Variants in GRXCR1 observed in about 807,000 individuals in gnomAD.
GRXCR1 encodes the protein glutaredoxin domain-containing cysteine-rich protein 1.
A neutral mutation model predicts 27.3 loss-of-function variants in GRXCR1; 27 were observed. The ratio of observed to expected loss-of-function variants is 0.99; its 90% CI spans 0.73 to 1.37. The LOEUF is 1.37. Ranked by LOEUF, GRXCR1 falls within the 40% of genes most tolerant of loss-of-function variation. The probability of loss-of-function intolerance (pLI) is 0.00; values close to 1 mark genes in which losing one functional copy is unlikely to be tolerated. For synonymous variants in GRXCR1, 122 were observed against 131.1 expected, an observed-to-expected ratio of 0.93 and a Z score of 0.47; for missense variants, 379 against 354.4, an observed-to-expected ratio of 1.07 and a Z score of -0.56.
chr4:42,996,392 T>G (rs1577937385), intron 2 of GRXCR1, among the ~76,000 whole-genome samples: 1 of 152,248 alleles, frequency 6.6e-6, no homozygotes, highest in East Asian at 1.9e-4. Context: ...AGACATAAAT[T>G]TACTCCAGCC....
intron 2 of GRXCR1, among the ~76,000 whole-genome samples, chr4:43,019,665 C>G (rs985959831): frequency 2.6e-5 from 4 of 152,176 alleles, no homozygotes; most frequent in Non-Finnish European, 5.9e-5. Flanking sequence ...ACATTGTCCC[C>G]TTTCTCACTT....
chr4:42,918,426 C>T (rs1020134002), intron 1 of GRXCR1, among the ~76,000 whole-genome samples: 14 of 152,022 alleles, frequency 9.2e-5, no homozygotes, highest in African/African-American at 3.4e-4. Context: ...TGGTATGCCC[C>T]CATTTTCTCC....
At chr4:42,978,014 A>C (rs1045679269) in intron 2 of GRXCR1, among the ~76,000 whole-genome samples, 2 of 152,046 alleles carry the variant, frequency 1.3e-5, no homozygotes, top group Non-Finnish European at 2.9e-5. Flanking sequence ...TTTATTCAAC[A>C]TTTGGATATC....
chr4:43,000,837 A>T (rs747760009), intron 2 of GRXCR1, among the ~76,000 whole-genome samples: 1 of 152,142 alleles, frequency 6.6e-6, no homozygotes, highest in African/African-American at 2.4e-5. Flanking sequence ...AAAAGTGGTG[A>T]TGACTATATT....
intron 2 of GRXCR1, among the ~76,000 whole-genome samples, chr4:42,994,289 T>A (rs1712075763): frequency 6.6e-6 from 1 of 152,126 alleles, no homozygotes; most frequent in African/African-American, 2.4e-5. Flanking sequence ...AAGTCTCTCA[T>A]TGAAGATAAT....
In GRXCR1 at chr4:42,951,014, C is replaced by G. The variant is rs12512487; in HGVS notation, c.385-11878C>G. The stretch of plus-strand genomic sequence containing the variant: ...ATGGGATTATGGAGGCTAAGAAGCC[C>G]TACAACCTGTAGTCTTCAAGCTCAA... On this transcript the variant is annotated intron_variant, in intron 1 of 3. Transcript: ENST00000399770. 7.0e-3 allele frequency among the ~76,000 whole-genome samples: 1,062 copies of G among 152,158 alleles called. 16 individuals carry two copies. Among genetic ancestry groups the G allele is most frequent in the East Asian group, 0.062 (319 of 5,170 alleles).
intron 1 of GRXCR1, among the ~76,000 whole-genome samples, chr4:42,921,985 G>T (rs558053176): frequency 6.6e-6 from 1 of 152,086 alleles, no homozygotes; most frequent in Admixed American, 6.6e-5. Flanking sequence ...TCTGGCATTG[G>T]TTGGTGGCCA....
rs567243781 is a variant in GRXCR1, at chr4:43,008,369, A to T, written c.628-11985A>T. Among the ~76,000 whole-genome samples the T allele has an allele frequency of 3.9e-5, 6 of 152,124 alleles. No homozygotes were observed. In the South Asian group the frequency reaches 1.0e-3, roughly 26 times the overall value. On this transcript the variant is annotated intron_variant, in intron 2 of 3. Transcript: ENST00000399770. ...AACCTGTAATTTGCTCCTGTGTTTC[A>T]TGAGAAGGGAAATAGGAGATGCACA...
At chr4:42,904,962 A>T (rs558988499) in intron 1 of GRXCR1, among the ~76,000 whole-genome samples, 1 of 152,316 alleles carries the variant, frequency 6.6e-6, no homozygotes, top group East Asian at 1.9e-4. Context: ...CATTTTTAAA[A>T]TTAAGGCTGT....
chr4:42,911,801 T>G (rs1746727335), intron 1 of GRXCR1, among the ~76,000 whole-genome samples: 1 of 152,148 alleles, frequency 6.6e-6, no homozygotes, highest in African/African-American at 2.4e-5. Flanking sequence ...CATTAACACA[T>G]GTATATAGAT....
At chr4:43,020,272 G>A in intron 2 of GRXCR1, 82 bp from the exon 3 acceptor site, 1 of 867,330 alleles carries the variant, frequency 1.2e-6, no homozygotes, top group Non-Finnish European at 2.0e-6. Flanking sequence ...GTATTTTGTG[G>A]GTTAAGCTTT....
intron 2 of GRXCR1, among the ~76,000 whole-genome samples, chr4:42,993,818 T>C (rs1206124670): frequency 6.6e-6 from 1 of 152,158 alleles, no homozygotes; most frequent in African/African-American, 2.4e-5. Flanking sequence ...TTTCAACTAA[T>C]AAGTTACTTA....
chr4:42,901,122 A>T lies in GRXCR1; in HGVS notation c.384+7472A>T, dbSNP rs181223421. ...ATGATTTCTCCCAGAAATCAAGAACATGGTCATTGGCATCCACATTAATCA... is the reference window on the plus strand; with the variant it reads ...ATGATTTCTCCCAGAAATCAAGAACTTGGTCATTGGCATCCACATTAATCA... On this transcript the variant is annotated intron_variant, in intron 1 of 3. Coordinates refer to ENST00000399770, the MANE Select transcript of GRXCR1 (RefSeq NM_001080476.3). Among the ~76,000 whole-genome samples, 7 of 152,300 alleles carry T rather than the reference A, an allele frequency of 4.6e-5. No individual in the cohort carries two copies. In the East Asian group the frequency reaches 9.7e-4, roughly 21 times the overall value.
At chr4:43,027,718 T>C (rs926767319) in intron 3 of GRXCR1, among the ~76,000 whole-genome samples, 3 of 152,172 alleles carry the variant, frequency 2.0e-5, no homozygotes, top group African/African-American at 7.2e-5. Context: ...TTCACAAGTG[T>C]CTTGGGTCAT....
At chr4:42,955,100 G>A (rs892529787) in intron 1 of GRXCR1, among the ~76,000 whole-genome samples, 3 of 151,984 alleles carry the variant, frequency 2.0e-5, no homozygotes, top group African/African-American at 2.4e-5. Flanking sequence ...ATTTAAAATC[G>A]CTGTTCCTGG....
chr4:42,955,420 A>T (rs1199470479), intron 1 of GRXCR1, among the ~76,000 whole-genome samples: 1 of 152,130 alleles, frequency 6.6e-6, no homozygotes, highest in Non-Finnish European at 1.5e-5. Context: ...GTTTAGTAAC[A>T]ACTTTATCCT....
chr4:42,981,411 GTAGCT>G (rs1379020787), intron 2 of GRXCR1, among the ~76,000 whole-genome samples: 1 of 151,958 alleles, frequency 6.6e-6, no homozygotes, highest in Admixed American at 6.6e-5. Context: ...AAAAATTATG[GTAGCT>G]TTTATGAATT....
At chr4:43,030,301 T>C (rs1232451215) in intron 3 of GRXCR1, 60 bp from the exon 4 acceptor site, 4 of 1,502,814 alleles carry the variant, frequency 2.7e-6, no homozygotes, top group African/African-American at 2.8e-5. Context: ...GGGAGGCTGA[T>C]TGAGTTGTTC....
Position 42,962,899 on chromosome 4 carries a change from C to A in GRXCR1, c.392C>A (p.Ser131Ter). 6.2e-7 allele frequency: 1 copy of A among 1,612,536 alleles called. No homozygotes were observed. Among genetic ancestry groups the A allele is most frequent in the Non-Finnish European group, 8.5e-7 (1 of 1,178,870 alleles). ...NNLTKVLQQP[S>*]TDLEFDRVVI... ...TCAATGTTTTCCCTTCAGCAACCAT[C>A]AACTGATCTAGAATTTGACCGTGTA... Residue 131 changes from serine to a stop codon, truncating the protein, a stop_gained, in exon 2 of 4, where the codon TCA (serine) becomes TAA (stop). Transcript: ENST00000399770. LOFTEE classifies it high-confidence loss of function.
Sources: allele counts gnomAD v4.1 joint callset (sites outside exome capture counted in the v4.1 genomes callset), GRCh38; gene constraint gnomAD v4.1.1; transcripts MANE v1.5; gene names NCBI Gene and HGNC (gene_info 2026-07-23, HGNC 2026-07-21).